Variants in EEFSEC observed in about 807,000 individuals in gnomAD.
EEFSEC encodes eukaryotic elongation factor, selenocysteine-tRNA specific.
EEFSEC carries 43 observed loss-of-function variants against 42.1 expected under a neutral mutation model. The observed-to-expected ratio is 1.02, with a 90% confidence interval of 0.80 to 1.32. EEFSEC has a LOEUF of 1.32. EEFSEC is among the 40% of genes most tolerant of loss of function. EEFSEC has a pLI of 0.00. For synonymous variants in EEFSEC, 354 were observed against 339.1 expected, an observed-to-expected ratio of 1.04 and a Z score of -0.48; for missense variants, 745 against 803.6, an observed-to-expected ratio of 0.93 and a Z score of 0.88.
intron 2 of EEFSEC, among the ~76,000 whole-genome samples, chr3:128,259,122 G>T (rs1418605308): frequency 6.6e-6 from 1 of 152,174 alleles, no homozygotes; most frequent in Non-Finnish European, 1.5e-5. Flanking sequence ...AAAGCTTCTA[G>T]CACAATTGCT....
chr3:128,358,764 T>C (rs2067490216), intron 6 of EEFSEC, among the ~76,000 whole-genome samples: 1 of 152,164 alleles, frequency 6.6e-6, no homozygotes, highest in African/African-American at 2.4e-5. Flanking sequence ...TGGCACGTGG[T>C]AAGGTTTCCA....
chr3:128,416,150 T>A, the EEFSEC span, among the ~76,000 whole-genome samples: 1 of 151,704 alleles, frequency 6.6e-6, no homozygotes, highest in Non-Finnish European at 1.5e-5. Flanking sequence ...CAGACAAGCA[T>A]CTCCCGGTGG....
At chr3:128,244,198 A>T (rs935545007) in intron 1 of EEFSEC, among the ~76,000 whole-genome samples, 1 of 152,130 alleles carries the variant, frequency 6.6e-6, no homozygotes. Flanking sequence ...GCTTTATCTC[A>T]TCCTGCCTCA....
At chr3:128,243,835 G>A (rs531981002) in intron 1 of EEFSEC, among the ~76,000 whole-genome samples, 8 of 152,300 alleles carry the variant, frequency 5.3e-5, no homozygotes, top group East Asian at 1.9e-4. Flanking sequence ...GCTGTGTGGC[G>A]TGGGAGTTAA....
At chr3:128,380,527 C>T (rs2067763317) in intron 6 of EEFSEC, among the ~76,000 whole-genome samples, 1 of 152,204 alleles carries the variant, frequency 6.6e-6, no homozygotes, top group South Asian at 2.1e-4. Flanking sequence ...TGGCCTCACA[C>T]ACATGTGCAG....
chr3:128,406,296 G>A (rs1167759901), intron 6 of EEFSEC, among the ~76,000 whole-genome samples: 1 of 152,146 alleles, frequency 6.6e-6, no homozygotes, highest in Non-Finnish European at 1.5e-5. Flanking sequence ...ACTTACATGT[G>A]GTATCTCAAA....
At chr3:128,171,292 G>C (rs2065293205) in intron 1 of EEFSEC, among the ~76,000 whole-genome samples, 2 of 152,098 alleles carry the variant, frequency 1.3e-5, no homozygotes. Context: ...AAAAATTGCT[G>C]CTTGCTATCT....
intron 1 of EEFSEC, among the ~76,000 whole-genome samples, chr3:128,195,258 T>C (rs1438106893): frequency 1.3e-5 from 2 of 152,216 alleles, no homozygotes; most frequent in African/African-American, 4.8e-5. Context: ...TATTAAAGCA[T>C]TTAAAATATT....
chr3:128,259,006 A>T (rs1190046313), intron 2 of EEFSEC, among the ~76,000 whole-genome samples: 2 of 152,346 alleles, frequency 1.3e-5, no homozygotes, highest in East Asian at 3.9e-4. Flanking sequence ...TGTGGCCTGG[A>T]ACAAGCTACC....
intron 4 of EEFSEC, among the ~76,000 whole-genome samples, chr3:128,293,568 G>T (rs2066667248): frequency 6.6e-6 from 1 of 150,380 alleles, no homozygotes; most frequent in Non-Finnish European, 1.5e-5. Flanking sequence ...GGCTGAGGCA[G>T]GAGAATCACT....
chr3:128,348,285 T>TGTGTGTGC (rs1357735171), intron 5 of EEFSEC, among the ~76,000 whole-genome samples: 1 of 151,882 alleles, frequency 6.6e-6, no homozygotes, highest in Admixed American at 6.6e-5. Context: ...TGCGTGTGTG[T>TGTGTGTGC]GTGTGTGCGT....
chr3:128,165,618 T>G (rs2065236415), intron 1 of EEFSEC, among the ~76,000 whole-genome samples: 1 of 152,236 alleles, frequency 6.6e-6, no homozygotes, highest in Non-Finnish European at 1.5e-5. Context: ...GATTCCTCTC[T>G]TGTCTTGAGG....
chr3:128,343,079 G>T (rs56850662), intron 5 of EEFSEC, among the ~76,000 whole-genome samples: 24,262 of 152,180 alleles, frequency 0.16, 2,409 homozygotes, highest in African/African-American at 0.28. Flanking sequence ...GGAGGGGTCT[G>T]CCCTGAGGCT....
intron 2 of EEFSEC, among the ~76,000 whole-genome samples, chr3:128,258,690 C>A (rs1051759874): frequency 3.3e-5 from 5 of 152,158 alleles, no homozygotes; most frequent in African/African-American, 1.2e-4. Flanking sequence ...TGATAGCAAA[C>A]TGTCATAGTA....
intron 4 of EEFSEC, among the ~76,000 whole-genome samples, chr3:128,301,681 TTTCTCTCCTG>T (rs1414866505): frequency 3.3e-5 from 5 of 152,190 alleles, no homozygotes; most frequent in Admixed American, 6.5e-5. Context: ...GGCAACTTTG[TTTCTCTCCTG>T]GAGCTGTGGA....
chr3:128,407,339 G>A (rs565897106), intron 6 of EEFSEC, among the ~76,000 whole-genome samples: 9 of 152,332 alleles, frequency 5.9e-5, no homozygotes, highest in East Asian at 3.9e-4. Context: ...AGAGGATCCC[G>A]GGATGAGCCA....
intron 6 of EEFSEC, among the ~76,000 whole-genome samples, chr3:128,363,260 T>G (rs892448877): frequency 1.3e-5 from 2 of 152,240 alleles, no homozygotes; most frequent in Non-Finnish European, 2.9e-5. Context: ...GCTAGGATAG[T>G]CTGTGCCCAG....
chr3:128,261,094 C>T (rs1373838190), intron 2 of EEFSEC, among the ~76,000 whole-genome samples: 4 of 152,110 alleles, frequency 2.6e-5, no homozygotes, highest in South Asian at 4.1e-4. Context: ...AATTCTGGGT[C>T]GTACCATTGT....
downstream of EEFSEC, among the ~76,000 whole-genome samples, chr3:128,413,287 C>G (rs1158407901): frequency 6.6e-6 from 1 of 152,106 alleles, no homozygotes; most frequent in African/African-American, 2.4e-5. Flanking sequence ...AAGTTGAGTG[C>G]TCGAATATTT....
Sources: gnomAD v4.1 joint callset for allele counts (sites outside exome capture counted in the v4.1 genomes callset) on GRCh38, gnomAD v4.1.1 for gene constraint, MANE v1.5 for transcripts, NCBI Gene and HGNC (gene_info 2026-07-23, HGNC 2026-07-21) for gene names.